GRID2: variants seen among roughly 807,000 people sequenced by gnomAD.
The protein encoded by GRID2 is glutamate receptor ionotropic, delta-2.
GRID2 carries 33 observed loss-of-function variants against 114.8 expected under a neutral mutation model. The observed-to-expected ratio is 0.29, with a 90% CI of 0.22 to 0.38. The LOEUF (loss-of-function observed/expected upper bound fraction) is 0.38. Ranked by LOEUF, GRID2 falls within the 10% of genes least tolerant of loss-of-function variation. The pLI is 1.00. For missense variants in GRID2, 1,184 were observed against 1,257.7 expected (o/e 0.94, Z 0.89); for synonymous variants, 505 against 449.9 (o/e 1.12, Z -1.55).
chr4:92,692,568 T>C (rs958839443), intron 2 of GRID2, among the ~76,000 whole-genome samples: 1 of 152,184 alleles, frequency 6.6e-6, no homozygotes, highest in Non-Finnish European at 1.5e-5. Context: ...AGTCAAAATA[T>C]AGTAACTTAG....
rs996297941 is a variant in GRID2 at position 93,613,893 on chromosome 4, G to A, written c.2194-12376G>A. ...TACCTAAGCAAGCCTGGGCAATGGC[G>A]GGCGCCCCTCCCCCAGCCTAGTTGC... On this transcript the variant is annotated intron_variant, in intron 13 of 15. Transcript: ENST00000282020. Among the ~76,000 whole-genome samples the A allele has an allele frequency of 6.6e-3, 1,000 of 151,600 alleles. 7 individuals carry two copies. Among genetic ancestry groups the A allele is most frequent in the African/African-American group, 0.023 (962 of 41,432 alleles).
chr4:93,298,594 C>T (rs1292779285), intron 8 of GRID2, among the ~76,000 whole-genome samples: 1 of 152,202 alleles, frequency 6.6e-6, no homozygotes, highest in Non-Finnish European at 1.5e-5. Context: ...ATAACACCCT[C>T]CATGTCCAAC....
At chr4:93,457,906 C>T (rs1051529011) in intron 11 of GRID2, among the ~76,000 whole-genome samples, 1 of 152,096 alleles carries the variant, frequency 6.6e-6, no homozygotes, top group Non-Finnish European at 1.5e-5. Flanking sequence ...AAGAGTATTA[C>T]TAATGTGTGC....
intron 1 of GRID2, among the ~76,000 whole-genome samples, chr4:92,367,249 T>A (rs1375565972): frequency 6.6e-6 from 1 of 152,108 alleles, no homozygotes; most frequent in African/African-American, 2.4e-5. Flanking sequence ...TCTAATCCTA[T>A]AAGCCTTGCT....
chr4:92,886,801 A>G (rs963191006), intron 2 of GRID2, among the ~76,000 whole-genome samples: 3 of 151,776 alleles, frequency 2.0e-5, no homozygotes, highest in Non-Finnish European at 4.4e-5. Flanking sequence ...AATTTTTTGT[A>G]TTTTTAGTAG....
At chr4:93,169,798 T>C (rs906767441) in intron 4 of GRID2, among the ~76,000 whole-genome samples, 1 of 152,140 alleles carries the variant, frequency 6.6e-6, no homozygotes, top group African/African-American at 2.4e-5. Context: ...TTATCCTACA[T>C]CTAGAGGCAA....
At chr4:93,237,094 A>G (rs907928202) in intron 7 of GRID2, among the ~76,000 whole-genome samples, 2 of 151,980 alleles carry the variant, frequency 1.3e-5, no homozygotes, top group African/African-American at 4.8e-5. Flanking sequence ...AGCCTGGTTT[A>G]CACATCTAGT....
intron 2 of GRID2, among the ~76,000 whole-genome samples, chr4:92,966,141 T>C (rs1283382302): frequency 2.6e-5 from 4 of 151,918 alleles, no homozygotes; most frequent in Admixed American, 1.3e-4. Context: ...ACAGGTACTA[T>C]GGAAGTTAAC....
chr4:93,502,087 A>G (rs1419416153), intron 12 of GRID2, among the ~76,000 whole-genome samples: 1 of 152,110 alleles, frequency 6.6e-6, no homozygotes, highest in Non-Finnish European at 1.5e-5. Flanking sequence ...AGTACAGAGC[A>G]TCCTTTTGTG....
intron 1 of GRID2, among the ~76,000 whole-genome samples, chr4:92,354,940 G>T (rs1513455): frequency 1.7e-4 from 26 of 151,920 alleles, no homozygotes; most frequent in African/African-American, 6.0e-4. Flanking sequence ...GTTCTTCTGC[G>T]CAAAGTTTAT....
intron 2 of GRID2, among the ~76,000 whole-genome samples, chr4:93,078,932 T>C (rs1199021848): frequency 1.4e-5 from 2 of 147,576 alleles, no homozygotes; most frequent in Non-Finnish European, 3.0e-5. Context: ...ATAAATTTTA[T>C]AAAACTTATG....
chr4:93,690,260 G>A (rs959116882), intron 14 of GRID2, among the ~76,000 whole-genome samples: 7 of 151,934 alleles, frequency 4.6e-5, no homozygotes, highest in Non-Finnish European at 8.8e-5. Flanking sequence ...TCAAACAAAT[G>A]CTAGGCTATA....
chr4:93,117,878 T>C (rs1347168140), intron 4 of GRID2, among the ~76,000 whole-genome samples: 2 of 152,120 alleles, frequency 1.3e-5, no homozygotes, highest in Non-Finnish European at 2.9e-5. Context: ...CTTTTAAATA[T>C]AAATACAAAA....
At chr4:93,550,227 GC>G (rs1362154057) in intron 13 of GRID2, among the ~76,000 whole-genome samples, 4 of 152,088 alleles carry the variant, frequency 2.6e-5, no homozygotes, top group Non-Finnish European at 4.4e-5. Flanking sequence ...GACTATAGAT[GC>G]CAGCCACACC....
chr4:93,625,711 T>C (rs1192159447), intron 13 of GRID2, among the ~76,000 whole-genome samples: 3 of 151,996 alleles, frequency 2.0e-5, no homozygotes, highest in South Asian at 2.1e-4. Context: ...GTCAGGAGAT[T>C]GAGACCATCC....
intron 9 of GRID2, among the ~76,000 whole-genome samples, chr4:93,415,300 C>T (rs974500055): frequency 5.9e-5 from 9 of 152,028 alleles, no homozygotes; most frequent in Admixed American, 5.9e-4. Context: ...ACCTAGAAAA[C>T]TTTCAACAAA....
intron 13 of GRID2, among the ~76,000 whole-genome samples, chr4:93,529,612 G>T (rs879425295): frequency 1.3e-5 from 2 of 152,082 alleles, no homozygotes; most frequent in African/African-American, 4.8e-5. Flanking sequence ...GGAACCCAGG[G>T]CTTCGGGTGC....
intron 14 of GRID2, among the ~76,000 whole-genome samples, chr4:93,699,524 G>T (rs1330973015): frequency 6.6e-6 from 1 of 152,008 alleles, no homozygotes; most frequent in Non-Finnish European, 1.5e-5. Flanking sequence ...TCTATATTTT[G>T]CAAATAAAGA....
intron 2 of GRID2, among the ~76,000 whole-genome samples, chr4:92,796,950 G>A (rs1739909563): frequency 6.6e-6 from 1 of 151,838 alleles, no homozygotes; most frequent in South Asian, 2.1e-4. Context: ...TTTTCAAAAA[G>A]TGGAAGGTAT....
Sources: gnomAD v4.1 joint callset for allele counts (sites outside exome capture counted in the v4.1 genomes callset) on GRCh38, gnomAD v4.1.1 for gene constraint, MANE v1.5 for transcripts, NCBI Gene and HGNC (gene_info 2026-07-23, HGNC 2026-07-21) for gene names.